PCCA: variants seen among roughly 807,000 people sequenced by gnomAD.
The protein encoded by PCCA is propionyl-CoA carboxylase alpha chain, mitochondrial.
Under a neutral mutation model 101.3 loss-of-function variants are expected in PCCA, and 74 were observed. That is an observed-to-expected ratio of 0.73 (90% confidence interval 0.61 to 0.89). PCCA has a LOEUF of 0.89. Ranked by LOEUF, PCCA falls within the 40% of genes least tolerant of loss-of-function variation. The pLI, the probability that PCCA is intolerant of heterozygous loss-of-function variation, is 0.00. For synonymous variants in PCCA, 294 were observed against 313.6 expected (o/e 0.94, Z 0.66); for missense variants, 891 against 907.0 (o/e 0.98, Z 0.23).
rs2059072459 is a variant in PCCA, at chr13:100,209,474, A to G, written c.600+11A>G. The G allele has an allele frequency of 6.2e-7, 1 of 1,608,686 alleles. No homozygotes were observed. The highest frequency in any genetic ancestry group is 1.1e-5 in the South Asian group (1 of 90,952). On this transcript the variant is annotated intron_variant, in intron 7 of 23. Coordinates refer to ENST00000376285, the MANE Select transcript of PCCA (RefSeq NM_000282.4). ...GATGGAGTAGTCAAGGTGAGAAGCTACTTTAACTTTTATTGTATATGTCTT... is the reference window on the plus strand; with the variant it reads ...GATGGAGTAGTCAAGGTGAGAAGCTGCTTTAACTTTTATTGTATATGTCTT...
Position 100,111,886 on chromosome 13 carries a change from CG to C in PCCA, c.231+1del. ...TGCTAATAGAGGAGAAATTGCATGT[CG>C]GGTGAGTAGAATTTTCGTCTTATTT... ...LVANRGEIACRVIRTCKKMGI... is the reference protein window; with the variant it reads ...LVANRGEIACXVIRTCKKMGI... On this transcript the variant is annotated frameshift_variant and splice_region_variant, in exon 3 of 24. Coordinates refer to ENST00000376285, the MANE Select transcript of PCCA (RefSeq NM_000282.4). LOFTEE classifies it high-confidence loss of function. The C allele has an allele frequency of 6.2e-7, 1 of 1,609,674 alleles. No individual in the cohort carries two copies. The highest frequency in any genetic ancestry group is 8.5e-7 in the Non-Finnish European group (1 of 1,176,726).
chr13:100,198,453 C>T (rs1386782347), intron 6 of PCCA: 3 of 151,428 alleles, frequency 2.0e-5, no homozygotes, highest in Non-Finnish European at 4.4e-5. Context: ...TGTTTTCATA[C>T]TTTGCAGTTG....
chr13:100,246,298 T>G (rs2061422135), intron 8 of PCCA, among the ~76,000 whole-genome samples: 2 of 152,162 alleles, frequency 1.3e-5, no homozygotes, highest in African/African-American at 4.8e-5. Flanking sequence ...ATATGTTATT[T>G]GGTGATGTAT....
In PCCA at chr13:100,527,772, T is replaced by C; in HGVS notation, c.2118+20T>C. On this transcript the variant is annotated intron_variant, in intron 23 of 23. Coordinates refer to ENST00000376285, the MANE Select transcript of PCCA (RefSeq NM_000282.4). Reference sequence around the variant, plus strand: ...GGCACGGTGAGTCCCTAAGTCCCCATCAGCCCAGGCCGGCCCTGTGATGGA... The same window carrying C: ...GGCACGGTGAGTCCCTAAGTCCCCACCAGCCCAGGCCGGCCCTGTGATGGA... 1 of 1,580,856 alleles carries C rather than the reference T, an allele frequency of 6.3e-7. No homozygotes were observed. Among genetic ancestry groups the C allele is most frequent in the African/African-American group, 1.3e-5 (1 of 74,440 alleles).
chr13:100,207,421 G>A (rs1404421421), intron 6 of PCCA, among the ~76,000 whole-genome samples: 6 of 151,662 alleles, frequency 4.0e-5, no homozygotes, highest in East Asian at 3.9e-4. Context: ...TCGCTCTGTC[G>A]CCAGGCTGGA....
chr13:100,093,000 C>A (rs2046415454), intron 1 of PCCA, among the ~76,000 whole-genome samples: 1 of 152,106 alleles, frequency 6.6e-6, no homozygotes, highest in Admixed American at 6.5e-5. Context: ...GAGGTAAAAA[C>A]TGCTCTAGTC....
chr13:100,280,618 G>A (rs1305421698), intron 12 of PCCA, among the ~76,000 whole-genome samples: 5 of 151,926 alleles, frequency 3.3e-5, no homozygotes, highest in East Asian at 1.9e-4. Flanking sequence ...ACTACTCTAC[G>A]GACACTAGGA....
At chr13:100,360,373 T>G (rs1396742481) in intron 18 of PCCA, among the ~76,000 whole-genome samples, 1 of 152,098 alleles carries the variant, frequency 6.6e-6, no homozygotes, top group Non-Finnish European at 1.5e-5. Context: ...AAAGTTGCAG[T>G]ACTTGGTCTA....
At chr13:100,311,024 A>G (rs563677993) in intron 16 of PCCA, among the ~76,000 whole-genome samples, 1 of 151,964 alleles carries the variant, frequency 6.6e-6, no homozygotes, top group African/African-American at 2.4e-5. Context: ...TTGTGAGGTC[A>G]GGAGTTCAAG....
At chr13:100,449,456 A>T (rs536476214) in intron 21 of PCCA, among the ~76,000 whole-genome samples, 151 bp downstream of exon 21, 1 of 152,322 alleles carries the variant, frequency 6.6e-6, no homozygotes, top group East Asian at 1.9e-4. Flanking sequence ...CTAGGGAACA[A>T]CTTCATATAT....
chr13:100,348,780 CTTT>C (rs2072762185), intron 18 of PCCA, among the ~76,000 whole-genome samples: 705 of 61,186 alleles, frequency 0.012, no homozygotes, highest in Middle Eastern at 0.033. Context: ...TTCTTTCTTT[CTTT>C]CTTTCTTCCT....
At chr13:100,268,856 T>C (rs952608860) in intron 11 of PCCA, 73 bp downstream of exon 11, 2 of 1,042,172 alleles carry the variant, frequency 1.9e-6, no homozygotes, top group African/African-American at 1.6e-5. Context: ...TCATTCATCA[T>C]TCACTGACGC....
chr13:100,179,193 A>C (rs1305769012), intron 6 of PCCA, among the ~76,000 whole-genome samples: 1 of 152,030 alleles, frequency 6.6e-6, no homozygotes, highest in African/African-American at 2.4e-5. Context: ...ATACCCTAAC[A>C]CAATTAAGTA....
chr13:100,410,596 A>G (rs1403012785), intron 19 of PCCA, among the ~76,000 whole-genome samples: 2 of 152,228 alleles, frequency 1.3e-5, no homozygotes, highest in Non-Finnish European at 2.9e-5. Flanking sequence ...AGTGAGCACC[A>G]TGTGCAGTTC....
intron 1 of PCCA, among the ~76,000 whole-genome samples, chr13:100,097,837 A>G (rs2046912490): frequency 6.6e-6 from 1 of 151,738 alleles, no homozygotes; most frequent in South Asian, 2.1e-4. Context: ...AATAGTGAGA[A>G]CCCCCCAGCC....
chr13:100,329,202 T>TA (rs1423449672), intron 16 of PCCA, among the ~76,000 whole-genome samples: 1 of 152,126 alleles, frequency 6.6e-6, no homozygotes, highest in Non-Finnish European at 1.5e-5. Flanking sequence ...GCTAATGACT[T>TA]ACTACTGGCT....
intron 21 of PCCA, among the ~76,000 whole-genome samples, chr13:100,509,317 C>G (rs1189052876): frequency 6.6e-6 from 1 of 152,150 alleles, no homozygotes; most frequent in African/African-American, 2.4e-5. Flanking sequence ...TGAGAAGGTC[C>G]ACAGCACTAA....
At chr13:100,437,487 TATC>T (rs2080023310) in intron 20 of PCCA, among the ~76,000 whole-genome samples, 2 of 152,104 alleles carry the variant, frequency 1.3e-5, no homozygotes, top group Admixed American at 6.5e-5. Context: ...TTTCTTCAAA[TATC>T]ATCATTTAAG....
chr13:100,237,815 C>T (rs1300822804), intron 8 of PCCA, among the ~76,000 whole-genome samples: 1 of 152,118 alleles, frequency 6.6e-6, no homozygotes, highest in Non-Finnish European at 1.5e-5. Flanking sequence ...TACAGTTACA[C>T]TGCAGTGCCA....
Sources: gnomAD v4.1 joint callset for allele counts (sites outside exome capture counted in the v4.1 genomes callset) on GRCh38, gnomAD v4.1.1 for gene constraint, MANE v1.5 for transcripts, NCBI Gene and HGNC (gene_info 2026-07-23, HGNC 2026-07-21) for gene names.